The following USP25 variants were observed in gnomAD, a reference collection of about 807,000 sequenced individuals.
The protein encoded by USP25 is ubiquitin carboxyl-terminal hydrolase 25.
Under a neutral mutation model 158.5 loss-of-function variants are expected in USP25, and 85 were observed. That is an observed-to-expected ratio of 0.54 (90% CI 0.45 to 0.64). USP25 has a LOEUF of 0.64. Ranked by LOEUF, USP25 falls within the 30% of genes least tolerant of loss-of-function variation. USP25 has a pLI of 0.00. For missense variants in USP25, 1,242 were observed against 1,327.3 expected, an observed-to-expected ratio of 0.94 and a Z score of 1.00; for synonymous variants, 464 against 460.4, an observed-to-expected ratio of 1.01 and a Z score of -0.10.
At chr21:15,732,654 TTTTAAGTATTTACTATTTAAAA>T (rs890741162) in intron 1 of USP25, among the ~76,000 whole-genome samples, 2 of 152,242 alleles carry the variant, frequency 1.3e-5, no homozygotes, top group African/African-American at 4.8e-5. Flanking sequence ...TGTTTTTAAA[TTTTAAGTATTTACTATTTAAAA>T]TTTAAGTATT....
chr21:15,782,986 T>C (rs953662653), intron 4 of USP25, among the ~76,000 whole-genome samples: 1 of 151,948 alleles, frequency 6.6e-6, no homozygotes, highest in Non-Finnish European at 1.5e-5. Flanking sequence ...TGTAAGAGAA[T>C]ACAACAATTT....
chr21:15,840,059 T>A (rs977707892), intron 17 of USP25, among the ~76,000 whole-genome samples: 3 of 152,154 alleles, frequency 2.0e-5, no homozygotes, highest in African/African-American at 7.2e-5. Context: ...ATATTTTGGC[T>A]TGCCTTCCAG....
At chr21:15,846,970 A>T (rs1199478331) in intron 18 of USP25, among the ~76,000 whole-genome samples, 1 of 152,208 alleles carries the variant, frequency 6.6e-6, no homozygotes, top group East Asian at 1.9e-4. Context: ...TGAGTTGTTA[A>T]AAATGGGTAT....
chr21:15,869,301 A>G (rs112052041), intron 22 of USP25, among the ~76,000 whole-genome samples: 1 of 113,828 alleles, frequency 8.8e-6, no homozygotes, highest in East Asian at 3.1e-4. Context: ...GCTAATAACT[A>G]TGTTTCTTAT....
intron 2 of USP25, among the ~76,000 whole-genome samples, chr21:15,765,471 CTG>C (rs145706549): frequency 0.028 from 4,184 of 152,102 alleles, 84 homozygotes; most frequent in South Asian, 0.049. Flanking sequence ...GTCTAGAGTT[CTG>C]TGTGTCTTTC....
intron 1 of USP25, among the ~76,000 whole-genome samples, chr21:15,738,087 A>G (rs986491335): frequency 2.6e-5 from 4 of 152,184 alleles, no homozygotes; most frequent in Non-Finnish European, 4.4e-5. Flanking sequence ...TGAAAAGTTA[A>G]TGCTCTCTTC....
intron 1 of USP25, among the ~76,000 whole-genome samples, chr21:15,743,578 C>G (rs776633156): frequency 6.6e-6 from 1 of 152,076 alleles, no homozygotes; most frequent in African/African-American, 2.4e-5. Flanking sequence ...AGGCAACATT[C>G]AATTGGTTTA....
intron 20 of USP25, among the ~76,000 whole-genome samples, chr21:15,860,259 T>C (rs1056986295): frequency 4.5e-4 from 69 of 152,086 alleles, no homozygotes; most frequent in African/African-American, 1.4e-3. Flanking sequence ...TTCAAGCAAT[T>C]GTCCTGCCTC....
At chr21:15,809,483 C>T (rs2036552612) in intron 8 of USP25, among the ~76,000 whole-genome samples, 2 of 152,118 alleles carry the variant, frequency 1.3e-5, no homozygotes, top group Non-Finnish European at 2.9e-5. Flanking sequence ...CCAACCCCTA[C>T]TGACCCAAGA....
intron 21 of USP25, 26 bp from the exon 22 acceptor site, chr21:15,866,240 C>T: frequency 6.5e-7 from 1 of 1,538,656 alleles, no homozygotes; most frequent in Non-Finnish European, 8.9e-7. Context: ...TACACACACG[C>T]TCATATGTAT....
At position 15,847,663 on chromosome 21, in the gene USP25, A is replaced by G. The variant is rs1244714123; in HGVS notation, c.2338A>G (p.Lys780Glu). The change falls in exon 19 of 26, where the codon AAA becomes GAA. Residue 780 changes from lysine to glutamate, a missense_variant and splice_region_variant. Coordinates refer to ENST00000400183, the MANE Select transcript of USP25 (RefSeq NM_001283041.3). ...TTATATTAATGATTTCCTTCTGCAG[A>G]AACCTGAAAATACTACAAGCCAACC... ...DKSPETVLQS[K>E]PENTTSQPLS... The G allele has an allele frequency of 4.5e-6, 7 of 1,547,060 alleles. No homozygotes were observed. Among genetic ancestry groups the G allele is most frequent in the Non-Finnish European group, 5.2e-6 (6 of 1,143,926 alleles).
Position 15,864,417 on chromosome 21 carries a change from TG to T in USP25, c.2699del (p.Gly900GlufsTer5). On this transcript the variant is annotated frameshift_variant, in exon 21 of 26. Coordinates refer to ENST00000400183, the MANE Select transcript of USP25 (RefSeq NM_001283041.3). LOFTEE classifies it high-confidence loss of function. ...TTGAGAAAACATTACTAGAACAATT[TG>T]GAGATAGAAATTTGAGTTTTGATGA... The part of the protein sequence containing the change: ...IIEKTLLEQF[G>X]DRNLSFDERC... 1 of 1,605,042 alleles carries T rather than the reference TG, an allele frequency of 6.2e-7. No homozygotes were observed. Among genetic ancestry groups the T allele is most frequent in the Non-Finnish European group, 8.5e-7 (1 of 1,177,746 alleles).
intron 18 of USP25, among the ~76,000 whole-genome samples, chr21:15,846,697 A>C (rs1316775233): frequency 6.6e-6 from 1 of 152,188 alleles, no homozygotes; most frequent in Non-Finnish European, 1.5e-5. Context: ...AACTTATGCA[A>C]TTCAGTTACT....
chr21:15,765,831 A>G (rs558883490), intron 2 of USP25, among the ~76,000 whole-genome samples, 166 bp from the exon 3 acceptor site: 1 of 152,228 alleles, frequency 6.6e-6, no homozygotes, highest in East Asian at 1.9e-4. Flanking sequence ...TTGATATAGT[A>G]TACTTTATGT....
At chr21:15,770,826 A>G (rs2034308197) in intron 3 of USP25, among the ~76,000 whole-genome samples, 1 of 152,222 alleles carries the variant, frequency 6.6e-6, no homozygotes, top group Non-Finnish European at 1.5e-5. Context: ...TCTGAGTTTA[A>G]CAGTGAGAAT....
chr21:15,796,986 TG>T (rs1313889925), intron 5 of USP25, among the ~76,000 whole-genome samples: 7 of 151,504 alleles, frequency 4.6e-5, no homozygotes, highest in Admixed American at 4.6e-4. Context: ...AATTTCAGAA[TG>T]GAAAAATATA....
intron 1 of USP25, among the ~76,000 whole-genome samples, chr21:15,742,288 T>C (rs1264446080): frequency 6.6e-6 from 1 of 152,114 alleles, no homozygotes; most frequent in Non-Finnish European, 1.5e-5. Context: ...AGCTGGGAGC[T>C]ACATCCTCAC....
At chr21:15,737,900 A>C (rs2031676915) in intron 1 of USP25, among the ~76,000 whole-genome samples, 1 of 151,940 alleles carries the variant, frequency 6.6e-6, no homozygotes, top group Non-Finnish European at 1.5e-5. Flanking sequence ...TAAATATCCG[A>C]AATTTGAAAA....
At chr21:15,750,215 T>TGTGTA (rs1491098028) in intron 1 of USP25, among the ~76,000 whole-genome samples, 564 of 8,830 alleles carry the variant, frequency 0.064, 1 homozygote, top group African/African-American at 0.073. Flanking sequence ...TGTGTGTATG[T>TGTGTA]TTTTTTTTTT....
Sources: allele counts gnomAD v4.1 joint callset (sites outside exome capture counted in the v4.1 genomes callset), GRCh38; gene constraint gnomAD v4.1.1; transcripts MANE v1.5; gene names NCBI Gene and HGNC (gene_info 2026-07-23, HGNC 2026-07-21).